The following LRMDA variants were observed in gnomAD, a reference collection of about 807,000 sequenced individuals.
LRMDA encodes the protein leucine-rich melanocyte differentiation-associated protein.
In LRMDA, 18 loss-of-function variants were observed where a neutral mutation model predicts 29.8. The ratio of observed to expected loss-of-function variants is 0.60; its 90% CI spans 0.42 to 0.90. The LOEUF is 0.90. Ranked by LOEUF, LRMDA falls within the 40% of genes least tolerant of loss-of-function variation. The pLI, the probability that LRMDA is intolerant of heterozygous loss-of-function variation, is 0.00. For synonymous variants in LRMDA, 125 were observed against 109.4 expected (o/e 1.14, Z -0.89); for missense variants, 273 against 273.9 (o/e 1.00, Z 0.02).
chr10:75,633,660 GTGGACT>G (rs1270586082), intron 2 of LRMDA, among the ~76,000 whole-genome samples: 1 of 152,184 alleles, frequency 6.6e-6, no homozygotes, highest in African/African-American at 2.4e-5. Context: ...CTGTATCAAA[GTGGACT>G]TGGGAAACTG....
chr10:76,178,909 A>ATATG (rs1211288221), intron 5 of LRMDA, among the ~76,000 whole-genome samples: 2 of 152,288 alleles, frequency 1.3e-5, no homozygotes, highest in African/African-American at 4.8e-5. Flanking sequence ...CACTTTAGGA[A>ATATG]TATGTTCCTG....
At chr10:76,548,656 C>T (rs1002707717) in intron 6 of LRMDA, among the ~76,000 whole-genome samples, 2 of 152,046 alleles carry the variant, frequency 1.3e-5, no homozygotes, top group East Asian at 1.9e-4. Context: ...AAAAAGGGAG[C>T]TCCCAATAAA....
intron 6 of LRMDA, among the ~76,000 whole-genome samples, chr10:76,389,000 C>T (rs988517659): frequency 1.3e-5 from 2 of 152,078 alleles, no homozygotes; most frequent in Admixed American, 6.6e-5. Flanking sequence ...ATGCAGAAGA[C>T]CTGCCTAACC....
Position 75,822,599 on chromosome 10 carries a change from TG to T in LRMDA, c.132-213407del, listed in dbSNP as rs1359300384. Among the ~76,000 whole-genome samples the T allele has an allele frequency of 9.2e-5, 14 of 152,310 alleles. No homozygotes were observed. In the East Asian group the frequency reaches 2.7e-3, roughly 29 times the overall value. ...TATAGTAACCAAAACAGCATGGTAC[TG>T]GTATAAAAATTATACTTGGAAAAAT... On this transcript the variant is annotated intron_variant, in intron 2 of 6. Transcript: ENST00000611255.
At chr10:75,818,139 CTGTT>C (rs1844092398) in intron 2 of LRMDA, among the ~76,000 whole-genome samples, 2 of 152,292 alleles carry the variant, frequency 1.3e-5, no homozygotes, top group Admixed American at 1.3e-4. Context: ...CAGAAAATGT[CTGTT>C]TGTGCCCCAT....
At chr10:75,526,416 G>A (rs1845413090) in intron 2 of LRMDA, among the ~76,000 whole-genome samples, 2 of 151,984 alleles carry the variant, frequency 1.3e-5, no homozygotes, top group African/African-American at 4.8e-5. Flanking sequence ...AAATAATACA[G>A]GTGAGAATGA....
At chr10:76,336,986 T>G (rs1024637796) in intron 6 of LRMDA, among the ~76,000 whole-genome samples, 1 of 152,118 alleles carries the variant, frequency 6.6e-6, no homozygotes, top group African/African-American at 2.4e-5. Context: ...TCTCTGGAAC[T>G]TTTATTTCAT....
At chr10:76,387,385 G>C (rs974944732) in intron 6 of LRMDA, among the ~76,000 whole-genome samples, 1 of 152,072 alleles carries the variant, frequency 6.6e-6, no homozygotes, top group Non-Finnish European at 1.5e-5. Context: ...CAAATCTCTT[G>C]AGCCCAGGAG....
intron 2 of LRMDA, among the ~76,000 whole-genome samples, chr10:75,557,169 C>G (rs1840225042): frequency 6.6e-6 from 1 of 151,772 alleles, no homozygotes; most frequent in Non-Finnish European, 1.5e-5. Flanking sequence ...CAAAAATTAG[C>G]TGGGTGTGGT....
chr10:76,384,414 A>G (rs1328285902), intron 6 of LRMDA, among the ~76,000 whole-genome samples: 1 of 152,162 alleles, frequency 6.6e-6, no homozygotes, highest in Non-Finnish European at 1.5e-5. Flanking sequence ...GTGAAAACAA[A>G]ATTTCATATT....
At chr10:76,263,163 G>T (rs888414218) in intron 5 of LRMDA, among the ~76,000 whole-genome samples, 1 of 152,070 alleles carries the variant, frequency 6.6e-6, no homozygotes, top group Non-Finnish European at 1.5e-5. Flanking sequence ...TACCTCTTGG[G>T]TCACCTTTTC....
At chr10:75,457,288 CTA>C (rs1844530482) in intron 2 of LRMDA, among the ~76,000 whole-genome samples, 2 of 152,134 alleles carry the variant, frequency 1.3e-5, no homozygotes, top group African/African-American at 4.8e-5. Context: ...CATTGTTGTC[CTA>C]AGATCTTTAT....
chr10:75,939,628 G>A (rs1846354352), intron 2 of LRMDA, among the ~76,000 whole-genome samples: 1 of 152,138 alleles, frequency 6.6e-6, no homozygotes, highest in African/African-American at 2.4e-5. Flanking sequence ...AACCTAGAGA[G>A]GTCACATTCC....
intron 2 of LRMDA, among the ~76,000 whole-genome samples, chr10:75,577,154 C>T (rs184068077): frequency 1.1e-4 from 16 of 152,166 alleles, no homozygotes; most frequent in South Asian, 4.2e-4. Flanking sequence ...AAAGGTTAGA[C>T]GAATTGCTAA....
At chr10:76,181,438 G>A (rs893940526) in intron 5 of LRMDA, among the ~76,000 whole-genome samples, 8 of 152,312 alleles carry the variant, frequency 5.3e-5, no homozygotes, top group Non-Finnish European at 8.8e-5. Flanking sequence ...TATCCCGTCC[G>A]AGTTGCTCAT....
Position 76,324,381 on chromosome 10 carries a change from A to C in LRMDA, c.517-20A>C. On this transcript the variant is annotated intron_variant, in intron 5 of 6. Transcript: ENST00000611255. ...TGGTGTTTGGTGTTGCTTCATGTTG[A>C]CTTTGCTTTTGTCACACAGGCTTCT... 2 of 1,612,324 alleles carry C rather than the reference A, an allele frequency of 1.2e-6. No homozygotes were observed. The highest frequency in any genetic ancestry group is 1.3e-5 in the African/African-American group (1 of 74,976).
At chr10:75,867,307 C>T (rs1845036719) in intron 2 of LRMDA, among the ~76,000 whole-genome samples, 1 of 152,146 alleles carries the variant, frequency 6.6e-6, no homozygotes, top group Admixed American at 6.5e-5. Flanking sequence ...GGATTACAGG[C>T]ACCCGCCACC....
chr10:76,023,377 CA>C (rs1554841356), intron 2 of LRMDA, among the ~76,000 whole-genome samples: 3 of 152,164 alleles, frequency 2.0e-5, no homozygotes, highest in Non-Finnish European at 2.9e-5. Context: ...CCCCTTCCCC[CA>C]GATCGTTTTT....
At chr10:75,620,057 A>C (rs1841162326) in intron 2 of LRMDA, among the ~76,000 whole-genome samples, 1 of 152,154 alleles carries the variant, frequency 6.6e-6, no homozygotes, top group South Asian at 2.1e-4. Context: ...GGCAGCCAGC[A>C]AGAGTCCTGG....
Sources: gnomAD v4.1 joint callset for allele counts (sites outside exome capture counted in the v4.1 genomes callset) on GRCh38, gnomAD v4.1.1 for gene constraint, MANE v1.5 for transcripts, NCBI Gene and HGNC (gene_info 2026-07-23, HGNC 2026-07-21) for gene names.